The following FHAD1 variants were observed in gnomAD, a reference collection of about 807,000 sequenced individuals.
The protein encoded by FHAD1 is forkhead-associated domain-containing protein 1.
Under a neutral mutation model 191.3 loss-of-function variants are expected in FHAD1, and 146 were observed. The observed-to-expected ratio is 0.76, with a 90% CI of 0.67 to 0.88. The LOEUF (loss-of-function observed/expected upper bound fraction) is 0.88. Among genes scored for constraint, FHAD1 ranks in the 40% least tolerant of loss-of-function variants. The pLI, the probability that FHAD1 is intolerant of heterozygous loss-of-function variation, is 0.00. For missense variants in FHAD1, 1,635 were observed against 1,785.8 expected, an observed-to-expected ratio of 0.92 and a Z score of 1.52; for synonymous variants, 616 against 672.3, an observed-to-expected ratio of 0.92 and a Z score of 1.29.
intron 31 of FHAD1, chr1:15,383,080 T>C (rs1701287811): frequency 1.3e-5 from 6 of 471,614 alleles, no homozygotes; most frequent in South Asian, 7.7e-5. Context: ...GGTCCTGGGC[T>C]CAAATCCCCG....
At chr1:15,363,787 GAAAC>G (rs1695557162) in intron 23 of FHAD1, 1 of 456,216 alleles carries the variant, frequency 2.2e-6, no homozygotes, top group Non-Finnish European at 4.4e-6. Context: ...AGTTTTCAGA[GAAAC>G]AAACGTATGA....
chr1:15,364,293 C>T (rs1695732071), intron 23 of FHAD1: 1 of 156,104 alleles, frequency 6.4e-6, no homozygotes, highest in Admixed American at 6.4e-5. Flanking sequence ...TACTTTAATT[C>T]ATAATAAACA....
At chr1:15,369,269 T>C (rs767614263) in intron 25 of FHAD1, 101 bp from the exon 26 acceptor site, 7 of 1,305,744 alleles carry the variant, frequency 5.4e-6, no homozygotes, top group Non-Finnish European at 7.3e-6. Flanking sequence ...AAGAATTCTG[T>C]TTCCTATAAA....
Position 15,241,669 on chromosome 1 carries a change from A to G in FHAD1, c.-15+4908A>G, listed in dbSNP as rs563546635. Among the ~76,000 whole-genome samples, 375 of 50,718 alleles carry G rather than the reference A, an allele frequency of 7.4e-3. 4 individuals are homozygous for G. Among genetic ancestry groups the G allele is most frequent in the East Asian group, 0.014 (10 of 730 alleles). The allele number at this position is 50,718 out of a possible 152,430, so 33.3% of individuals were successfully genotyped here. A position where few individuals can be genotyped will look rare whatever the true frequency, so the allele number is the denominator to read the frequency against. On this transcript the variant is annotated intron_variant, in intron 1 of 33. Transcript: ENST00000683790. The stretch of plus-strand genomic sequence containing the variant: ...CTCAAAAAAAACAAACAACAAAAAA[A>G]CAAACAAACAAAAAAAACCCAGAAC...
chr1:15,348,426 G>A (rs1689675178), intron 18 of FHAD1, among the ~76,000 whole-genome samples: 1 of 152,180 alleles, frequency 6.6e-6, no homozygotes, highest in African/African-American at 2.4e-5. Flanking sequence ...AAGCTGTTTA[G>A]TTGAATAGCT....
chr1:15,362,945 C>T (rs1695281503), intron 23 of FHAD1, among the ~76,000 whole-genome samples: 1 of 152,238 alleles, frequency 6.6e-6, no homozygotes, highest in Admixed American at 6.5e-5. Flanking sequence ...CTTCCCAGTG[C>T]TGCTTCCACT....
upstream of FHAD1, among the ~76,000 whole-genome samples, chr1:15,244,989 T>A (rs979832082): frequency 6.6e-6 from 1 of 152,210 alleles, no homozygotes; most frequent in Non-Finnish European, 1.5e-5. This position sits in a 1 kb window ranked among gnomAD's most constrained non-coding sequence, Gnocchi z 5.1. Context: ...TGGCAGAAAG[T>A]AGCGCCTGCA....
intron 2 of FHAD1, among the ~76,000 whole-genome samples, chr1:15,256,804 G>A (rs1282626763): frequency 6.6e-6 from 1 of 152,190 alleles, no homozygotes; most frequent in Non-Finnish European, 1.5e-5. Flanking sequence ...GGAGGGCGAA[G>A]ATCATGGAGA....
At chr1:15,237,454 C>T (rs1644903657) in intron 1 of FHAD1, among the ~76,000 whole-genome samples, 1 of 152,124 alleles carries the variant, frequency 6.6e-6, no homozygotes, top group African/African-American at 2.4e-5. Context: ...AGACCCAGGT[C>T]AAGTGATTCC....
chr1:15,390,210 G>A (rs1703558930), intron 32 of FHAD1, among the ~76,000 whole-genome samples: 2 of 151,942 alleles, frequency 1.3e-5, no homozygotes, highest in African/African-American at 4.8e-5. Context: ...GCCGGGTGTG[G>A]TGGCAGGCGC....
chr1:15,361,407 G>T (rs1171238839), intron 22 of FHAD1, among the ~76,000 whole-genome samples: 1 of 152,028 alleles, frequency 6.6e-6, no homozygotes, highest in Non-Finnish European at 1.5e-5. Flanking sequence ...TCCAGACATT[G>T]CCCAATGTCC....
intron 26 of FHAD1, 88 bp downstream of exon 26, chr1:15,369,590 T>C (rs1697512534): frequency 3.5e-6 from 5 of 1,433,342 alleles, no homozygotes; most frequent in Non-Finnish European, 9.5e-7. Flanking sequence ...ACACTTTCAT[T>C]CTAAGTTCCA....
chr1:15,390,840 T>C (rs956407654), intron 32 of FHAD1, among the ~76,000 whole-genome samples: 2 of 152,178 alleles, frequency 1.3e-5, no homozygotes, highest in African/African-American at 2.4e-5. Context: ...CCACCGGGCA[T>C]CTGCAGCCCC....
chr1:15,315,741 C>T (rs1308744348), intron 8 of FHAD1, among the ~76,000 whole-genome samples: 1 of 152,082 alleles, frequency 6.6e-6, no homozygotes, highest in East Asian at 1.9e-4. Flanking sequence ...CCACCTCGGC[C>T]TCCCAAAGTG....
At chr1:15,247,018 T>C (rs2100673800), upstream of FHAD1, among the ~76,000 whole-genome samples, 1 of 152,232 alleles carries the variant, frequency 6.6e-6, no homozygotes, top group East Asian at 1.9e-4. Flanking sequence ...ATCTCCTCCC[T>C]GCTCCTTCCT....
Position 15,381,459 on chromosome 1 carries a change from G to A in FHAD1, c.4022+8G>A, listed in dbSNP as rs949893022. 2.4e-5 allele frequency: 37 copies of A among 1,548,496 alleles called. No individual in the cohort carries two copies. The highest frequency in any genetic ancestry group is 1.6e-4 in the Admixed American group (8 of 50,964). ...GGACGTTGAACAGCTCAGGTACCTC[G>A]GCACCCCCATGTCCCCACAGAAAGG... On this transcript the variant is annotated splice_region_variant and intron_variant, in intron 30 of 33. Transcript: ENST00000688493. This position sits in a 1 kb window ranked among gnomAD's most constrained non-coding sequence, Gnocchi z 4.6.
chr1:15,374,271 G>A (rs1421738074), intron 26 of FHAD1, among the ~76,000 whole-genome samples: 1 of 152,180 alleles, frequency 6.6e-6, no homozygotes, highest in Non-Finnish European at 1.5e-5. Context: ...GGAACGTGGA[G>A]GGGCTTTTAT....
At chr1:15,328,225 C>A in intron 12 of FHAD1, 52 bp from the exon 13 acceptor site, 1 of 1,416,228 alleles carries the variant, frequency 7.1e-7, no homozygotes, top group Non-Finnish European at 9.3e-7. Context: ...GGGCCCCCCA[C>A]CCCTGTATGT....
chr1:15,364,847 G>T (rs1303856023), intron 23 of FHAD1, among the ~76,000 whole-genome samples: 1 of 152,028 alleles, frequency 6.6e-6, no homozygotes, highest in Admixed American at 6.6e-5. Flanking sequence ...CCACCAAGGC[G>T]CCTCCCCTGC....
Sources: allele counts gnomAD v4.1 joint callset (sites outside exome capture counted in the v4.1 genomes callset), GRCh38; gene constraint gnomAD v4.1.1; non-coding constraint Gnocchi (gnomAD v3.1); transcripts MANE v1.5; gene names NCBI Gene and HGNC (gene_info 2026-07-23, HGNC 2026-07-21).